The following NETO1 variants were observed in gnomAD, a reference collection of about 807,000 sequenced individuals.
NETO1 encodes the protein neuropilin and tolloid like 1, also known as neuropilin and tolloid-like protein 1.
A neutral mutation model predicts 61.3 loss-of-function variants in NETO1; 26 were observed. That is an observed-to-expected ratio of 0.42 (90% CI 0.31 to 0.59). The LOEUF (loss-of-function observed/expected upper bound fraction) is 0.59, where lower values mean the gene tolerates loss of function less well. Ranked by LOEUF, NETO1 falls within the 20% of genes least tolerant of loss-of-function variation. The pLI is 0.12. For synonymous variants in NETO1, 225 were observed against 225.8 expected, an observed-to-expected ratio of 1.00 and a Z score of 0.03; for missense variants, 531 against 662.8, an observed-to-expected ratio of 0.80 and a Z score of 2.18.
chr18:72,753,567 A>C (rs1452670379), intron 8 of NETO1, among the ~76,000 whole-genome samples: 1 of 152,234 alleles, frequency 6.6e-6, no homozygotes, highest in African/African-American at 2.4e-5. Context: ...AAAACCAGTG[A>C]GTTCAGACAG....
At chr18:72,757,321 A>G (rs2070816333) in intron 7 of NETO1, among the ~76,000 whole-genome samples, 1 of 152,132 alleles carries the variant, frequency 6.6e-6, no homozygotes, top group Non-Finnish European at 1.5e-5. Context: ...TACACTAACC[A>G]CAACTGTCAA....
intron 4 of NETO1, among the ~76,000 whole-genome samples, chr18:72,851,532 C>T (rs754795748): frequency 5.3e-5 from 8 of 152,074 alleles, no homozygotes; most frequent in African/African-American, 1.7e-4. Context: ...AATGAGAGCA[C>T]GGTACACACA....
chr18:72,761,608 G>T (rs1178017589), intron 7 of NETO1, among the ~76,000 whole-genome samples: 3 of 152,154 alleles, frequency 2.0e-5, no homozygotes, highest in Non-Finnish European at 4.4e-5. Flanking sequence ...ACCTTGGGCT[G>T]CAATCTAAAA....
intron 7 of NETO1, among the ~76,000 whole-genome samples, chr18:72,771,919 A>G (rs1010771029): frequency 8.7e-5 from 13 of 149,806 alleles, no homozygotes; most frequent in Admixed American, 1.3e-4. Context: ...TCTGTATGTC[A>G]GAAGTCCAGG....
intron 7 of NETO1, among the ~76,000 whole-genome samples, chr18:72,776,724 T>C (rs72966343): frequency 0.016 from 2,505 of 152,212 alleles, 31 homozygotes; most frequent in Non-Finnish European, 0.026. Context: ...AGGTCTAAAC[T>C]CCTAACATCA....
chr18:72,794,499 C>A, intron 4 of NETO1, 95 bp from the exon 5 acceptor site: 2 of 1,201,900 alleles, frequency 1.7e-6, no homozygotes, highest in Non-Finnish European at 1.2e-6. Flanking sequence ...AGAAATCTAC[C>A]TTAAAAAACA....
chr18:72,867,132 G>A (rs867931326), intron 1 of NETO1, 132 bp downstream of exon 1: 4 of 624,436 alleles, frequency 6.4e-6, no homozygotes, highest in African/African-American at 3.9e-5. Flanking sequence ...AGTTTACGTC[G>A]GCCCCGACCC....
intron 4 of NETO1, among the ~76,000 whole-genome samples, chr18:72,812,552 A>C (rs372452600): frequency 1.3e-5 from 2 of 152,226 alleles, no homozygotes; most frequent in East Asian, 3.9e-4. Context: ...CCAAGGTCAC[A>C]TCAATTCCTT....
chr18:72,816,763 A>C lies in NETO1; in HGVS notation c.470-22359T>G, dbSNP rs73966670. Among the ~76,000 whole-genome samples, 1,390 of 152,146 alleles carry C rather than the reference A, an allele frequency of 9.1e-3. 23 individuals are homozygous for C. Among genetic ancestry groups the C allele is most frequent in the African/African-American group, 0.032 (1,309 of 41,488 alleles). On this transcript the variant is annotated intron_variant, in intron 4 of 10. Transcript: ENST00000327305. The stretch of plus-strand genomic sequence containing the variant: ...ACTATGATCATCCCACCATCTTCCC[A>C]TTGTGGGCTGGCTGGGGGTGGGGAG...
intron 8 of NETO1, among the ~76,000 whole-genome samples, chr18:72,751,691 G>T (rs1278376061): frequency 6.6e-6 from 1 of 152,164 alleles, no homozygotes; most frequent in Non-Finnish European, 1.5e-5. Context: ...GCCTGGAGTG[G>T]CAAGTTGACA....
intron 6 of NETO1, among the ~76,000 whole-genome samples, chr18:72,784,938 A>G (rs2071863379): frequency 6.6e-6 from 1 of 152,244 alleles, no homozygotes; most frequent in South Asian, 2.1e-4. Flanking sequence ...TATGTCAATT[A>G]AACCATGACA....
At chr18:72,821,940 T>C (rs771926172) in intron 4 of NETO1, among the ~76,000 whole-genome samples, 2 of 152,202 alleles carry the variant, frequency 1.3e-5, no homozygotes, top group South Asian at 4.1e-4. Context: ...CTTGGCTTTT[T>C]GTTAATTTTC....
At chr18:72,765,170 A>G (rs1416250179) in intron 7 of NETO1, among the ~76,000 whole-genome samples, 2 of 152,110 alleles carry the variant, frequency 1.3e-5, no homozygotes, top group Admixed American at 1.3e-4. Context: ...TGCTCACCCT[A>G]AACATTTATA....
chr18:72,834,637 T>C, intron 4 of NETO1: 2 of 983,784 alleles, frequency 2.0e-6, no homozygotes, highest in African/African-American at 1.7e-5. Flanking sequence ...TTATAATTAC[T>C]TAATTCATTT....
rs770389434 is a variant in NETO1 at position 72,864,824 on chromosome 18, G to A, written c.204C>T (p.Cys68=). ...TCCCCTTACCTTCTATGATGTAGAT[G>A]CATTCCCGGTCAGGGGGATACTTGC... is the stretch of plus-strand genomic sequence containing the variant. ...YPSKYPPDRE[C]IYIIEAAPRQ... is the part of the protein sequence containing the mutation. Residue 68 remains cysteine, a synonymous_variant, in exon 3 of 11, where the codon TGC becomes TGT. Coordinates refer to ENST00000327305, the MANE Select transcript of NETO1 (RefSeq NM_138966.5). The A allele has an allele frequency of 1.5e-5, 24 of 1,613,696 alleles. No homozygotes were observed. Among genetic ancestry groups the A allele is most frequent in the South Asian group, 1.2e-4 (11 of 90,926 alleles).
At chr18:72,844,953 G>A (rs2074040953) in intron 4 of NETO1, among the ~76,000 whole-genome samples, 1 of 152,172 alleles carries the variant, frequency 6.6e-6, no homozygotes, top group African/African-American at 2.4e-5. Context: ...GTCTTAACGT[G>A]ACATCAAGTG....
chr18:72,796,689 C>A (rs2072324029), intron 4 of NETO1, among the ~76,000 whole-genome samples: 1 of 152,016 alleles, frequency 6.6e-6, no homozygotes, highest in South Asian at 2.1e-4. Context: ...TGGTCTCGAT[C>A]TCCTGACCTC....
At chr18:72,788,559 G>GA (rs547291767) in intron 6 of NETO1, among the ~76,000 whole-genome samples, 6 of 149,074 alleles carry the variant, frequency 4.0e-5, no homozygotes, top group East Asian at 3.9e-4. Context: ...GTCACTTACT[G>GA]AAAAAAAAAG....
At chr18:72,756,951 A>C (rs2070804486) in intron 7 of NETO1, among the ~76,000 whole-genome samples, 1 of 152,108 alleles carries the variant, frequency 6.6e-6, no homozygotes, top group South Asian at 2.1e-4. Context: ...TCATTATTGG[A>C]GTGACAGAAT....
Sources: gnomAD v4.1 joint callset for allele counts (sites outside exome capture counted in the v4.1 genomes callset) on GRCh38, gnomAD v4.1.1 for gene constraint, MANE v1.5 for transcripts, NCBI Gene and HGNC (gene_info 2026-07-23, HGNC 2026-07-21) for gene names.